UBASH3B: variants seen among roughly 807,000 people sequenced by gnomAD.
UBASH3B encodes the protein ubiquitin associated and SH3 domain containing B.
UBASH3B carries 37 observed loss-of-function variants against 83.4 expected under a neutral mutation model. The observed-to-expected ratio is 0.44, with a 90% CI of 0.34 to 0.58. The LOEUF is 0.58. Among genes scored for constraint, UBASH3B ranks in the 20% least tolerant of loss-of-function variants. The pLI is 0.01. For missense variants in UBASH3B, 657 were observed against 827.2 expected (o/e 0.79, Z 2.52); for synonymous variants, 304 against 318.3 (o/e 0.96, Z 0.48).
intron 1 of UBASH3B, among the ~76,000 whole-genome samples, chr11:122,717,953 A>C (rs1591784225): frequency 5.8e-5 from 8 of 136,876 alleles, no homozygotes; most frequent in Non-Finnish European, 3.1e-5. Flanking sequence ...CACCAGTCTC[A>C]CTCTGTCACC....
At chr11:122,698,768 C>T (rs1863995203) in intron 1 of UBASH3B, among the ~76,000 whole-genome samples, 1 of 152,202 alleles carries the variant, frequency 6.6e-6, no homozygotes. Flanking sequence ...AATCTATTTG[C>T]TTCAGTACGG....
intron 1 of UBASH3B, among the ~76,000 whole-genome samples, chr11:122,682,736 G>T (rs1863758231): frequency 6.6e-6 from 1 of 152,180 alleles, no homozygotes; most frequent in Non-Finnish European, 1.5e-5. Flanking sequence ...ACCAAGCCCA[G>T]CACTGTCACG....
chr11:122,808,878 C>T (rs1378874795), intron 13 of UBASH3B, among the ~76,000 whole-genome samples: 1 of 151,904 alleles, frequency 6.6e-6, no homozygotes, highest in Non-Finnish European at 1.5e-5. Context: ...GTAAATGCAG[C>T]TCTGGACACA....
intron 1 of UBASH3B, among the ~76,000 whole-genome samples, chr11:122,715,477 T>C (rs986956042): frequency 6.6e-6 from 1 of 152,216 alleles, no homozygotes; most frequent in African/African-American, 2.4e-5. Flanking sequence ...TCTGAATCAA[T>C]AGAACCTCTG....
At chr11:122,772,063 T>C (rs1438747350) in intron 1 of UBASH3B, among the ~76,000 whole-genome samples, 1 of 152,244 alleles carries the variant, frequency 6.6e-6, no homozygotes, top group Non-Finnish European at 1.5e-5. Context: ...TTATGTGGTG[T>C]TCAACAGATG....
chr11:122,710,062 A>G (rs987674614), intron 1 of UBASH3B, among the ~76,000 whole-genome samples: 1 of 150,600 alleles, frequency 6.6e-6, no homozygotes, highest in Non-Finnish European at 1.5e-5. Context: ...AGGCTGAGGC[A>G]GGAGAATTGC....
intron 1 of UBASH3B, among the ~76,000 whole-genome samples, chr11:122,688,978 CG>C (rs60342970): frequency 0.039 from 5,271 of 133,646 alleles, 175 homozygotes; most frequent in African/African-American, 0.098. Flanking sequence ...GGCGGGGAGG[CG>C]GGGGGGGGGG....
intron 1 of UBASH3B, among the ~76,000 whole-genome samples, chr11:122,725,342 A>AAAAAAATAG (rs71281633): frequency 7.6e-6 from 1 of 130,780 alleles, no homozygotes; most frequent in Admixed American, 8.3e-5. Flanking sequence ...AAAAAAAAAA[A>AAAAAAATAG]AAGAAAAGAA....
intron 1 of UBASH3B, among the ~76,000 whole-genome samples, chr11:122,738,718 G>C (rs184117363): frequency 1.3e-5 from 2 of 151,934 alleles, no homozygotes; most frequent in Non-Finnish European, 2.9e-5. Flanking sequence ...GAGAAACCCC[G>C]TCTCTACAAA....
At chr11:122,733,749 G>T (rs1022922531) in intron 1 of UBASH3B, among the ~76,000 whole-genome samples, 3 of 152,218 alleles carry the variant, frequency 2.0e-5, no homozygotes, top group Non-Finnish European at 4.4e-5. Flanking sequence ...AGCACTGCAT[G>T]AACTCAGAAG....
intron 1 of UBASH3B, among the ~76,000 whole-genome samples, chr11:122,729,105 G>C (rs935323732): frequency 6.6e-6 from 1 of 152,184 alleles, no homozygotes; most frequent in African/African-American, 2.4e-5. Context: ...TTTCATTGCA[G>C]GTCTACTGTG....
chr11:122,814,455 A>G lies in UBASH3B; in HGVS notation c.*4569A>G, dbSNP rs1372324463. On this transcript the variant is annotated 3_prime_UTR_variant, in exon 14 of 14. Coordinates refer to ENST00000284273, the MANE Select transcript of UBASH3B (RefSeq NM_032873.5). ...AAATGGTTCATAGATGATTTAATAA[A>G]AAGAAACTTCTCAGTTGATCCAGAG... The G allele has an allele frequency of 6.6e-6, 1 of 152,654 alleles. No individual in the cohort carries two copies. The highest frequency in any genetic ancestry group is 1.5e-5 in the Non-Finnish European group (1 of 68,048). The allele number at this position is 152,654 out of a possible 1,614,324, so 9.5% of individuals were successfully genotyped here.
At chr11:122,762,807 C>T (rs1000568438) in intron 1 of UBASH3B, among the ~76,000 whole-genome samples, 2 of 152,198 alleles carry the variant, frequency 1.3e-5, no homozygotes, top group African/African-American at 4.8e-5. Flanking sequence ...GAGAAAGAAT[C>T]TGGGTCTTCT....
At chr11:122,773,866 G>A in intron 1 of UBASH3B, 2 of 506,146 alleles carry the variant, frequency 4.0e-6, no homozygotes, top group South Asian at 8.5e-5. Context: ...TTTCATTGGG[G>A]GAAGGGTGTA....
At chr11:122,793,955 C>T (rs1425139125) in intron 6 of UBASH3B, among the ~76,000 whole-genome samples, 1 of 152,104 alleles carries the variant, frequency 6.6e-6, no homozygotes, top group Non-Finnish European at 1.5e-5. Flanking sequence ...GGTGAAAATA[C>T]CCCCCATCAC....
intron 1 of UBASH3B, among the ~76,000 whole-genome samples, chr11:122,748,430 C>T (rs956872460): frequency 2.0e-5 from 3 of 152,218 alleles, no homozygotes; most frequent in East Asian, 1.9e-4. Context: ...GACGGGCACG[C>T]GCCATCCCAG....
chr11:122,753,846 T>C (rs1043339297), intron 1 of UBASH3B, among the ~76,000 whole-genome samples: 1 of 152,146 alleles, frequency 6.6e-6, no homozygotes, highest in African/African-American at 2.4e-5. Flanking sequence ...AGGATTAACA[T>C]GCCTTCACCA....
intron 1 of UBASH3B, among the ~76,000 whole-genome samples, chr11:122,712,091 G>A (rs1448076661): frequency 6.6e-6 from 1 of 151,696 alleles, no homozygotes; most frequent in African/African-American, 2.4e-5. Context: ...CAGGGCACTA[G>A]GGGGAAAAAA....
intron 1 of UBASH3B, 38 bp downstream of exon 1, chr11:122,656,248 C>G: frequency 1.5e-6 from 2 of 1,363,898 alleles, no homozygotes; most frequent in Non-Finnish European, 1.9e-6. Flanking sequence ...CGACCCCTCC[C>G]GCGCGCGCGG....
Sources: gnomAD v4.1 joint callset for allele counts (sites outside exome capture counted in the v4.1 genomes callset) on GRCh38, gnomAD v4.1.1 for gene constraint, MANE v1.5 for transcripts, NCBI Gene and HGNC (gene_info 2026-07-23, HGNC 2026-07-21) for gene names.